The following WASF1 variants were observed in gnomAD, a reference collection of about 807,000 sequenced individuals.
The protein encoded by WASF1 is WASP family member 1.
A neutral mutation model predicts 50.5 loss-of-function variants in WASF1; 7 were observed. That is an observed-to-expected ratio of 0.14 (90% CI 0.08 to 0.26). The LOEUF (loss-of-function observed/expected upper bound fraction) is 0.26, where lower values mean the gene tolerates loss of function less well. Among genes scored for constraint, WASF1 ranks in the 10% least tolerant of loss-of-function variants. The pLI is 1.00. For synonymous variants in WASF1, 205 were observed against 244.0 expected (o/e 0.84, Z 1.49); for missense variants, 470 against 694.7 (o/e 0.68, Z 3.64).
At chr6:110,134,422 C>CTTT (rs201321386) in intron 3 of WASF1, among the ~76,000 whole-genome samples, 1,706 of 144,966 alleles carry the variant, frequency 0.012, 15 homozygotes, top group Middle Eastern at 0.029. Flanking sequence ...TCTATGTGCC[C>CTTT]TTTTTTTTTT....
chr6:110,158,544 T>TA (rs1776122958), intron 3 of WASF1, among the ~76,000 whole-genome samples: 1 of 130,954 alleles, frequency 7.6e-6, no homozygotes, highest in African/African-American at 3.3e-5. Flanking sequence ...AGGATCCTAT[T>TA]CGGCCATCTT....
chr6:110,122,239 C>CAAAAAAAAAAAAAAA (rs55836821), intron 4 of WASF1, among the ~76,000 whole-genome samples: 1 of 114,170 alleles, frequency 8.8e-6, no homozygotes. Context: ...AAATGGAATC[C>CAAAAAAAAAAAAAAA]AAAAAAAAAA....
intron 4 of WASF1, 87 bp downstream of exon 4, chr6:110,127,382 C>G: frequency 5.8e-6 from 7 of 1,205,606 alleles, no homozygotes; most frequent in Non-Finnish European, 7.7e-6. Flanking sequence ...AAATCATACT[C>G]CCAAATTAAT....
intron 2 of WASF1, among the ~76,000 whole-genome samples, chr6:110,177,936 T>C (rs1037555721): frequency 1.0e-4 from 15 of 149,636 alleles, no homozygotes; most frequent in African/African-American, 3.3e-4. Flanking sequence ...CAGTGGTTTC[T>C]TATATTTGCA....
intron 4 of WASF1, 111 bp from the exon 5 acceptor site, chr6:110,113,571 T>C: frequency 1.0e-6 from 1 of 988,240 alleles, no homozygotes; most frequent in Non-Finnish European, 1.4e-6. Context: ...TACTTTGTGA[T>C]CAGAGATAAA....
rs1774595286 is a variant in WASF1, at chr6:110,130,097, T to C, written c.-28-2468A>G. Among the ~76,000 whole-genome samples, 3 of 152,210 alleles carry C rather than the reference T, an allele frequency of 2.0e-5. No individual in the cohort carries two copies. The South Asian group carries it at 6.2e-4, about 31-fold the overall frequency. On this transcript the variant is annotated intron_variant, in intron 3 of 10. Coordinates refer to ENST00000392589, the MANE Select transcript of WASF1 (RefSeq NM_003931.3). ...GGATAAACCTAATTGCAGTTAAGTG[T>C]TACTTATCAACATGCTTTTAACAAT...
At position 110,160,689 on chromosome 6, in the gene WASF1, C is replaced by G. The variant is rs1220880695; in HGVS notation, c.-83G>C. 1 of 151,762 alleles carries G rather than the reference C, an allele frequency of 6.6e-6. No homozygotes were observed. The highest frequency in any genetic ancestry group is 1.9e-4 in the East Asian group (1 of 5,162). 9.4% of individuals were successfully genotyped at this position (151,762 alleles called of 1,614,324 possible). On this transcript the variant is annotated 5_prime_UTR_variant, in exon 3 of 11. Transcript: ENST00000392589. ...AGCTTCCACTGCAACTTTACTCCAA[C>G]AGCTATCATCAACAGTTGTTTTAAC...
chr6:110,113,408 A>G lies in WASF1; in HGVS notation c.186T>C (p.Phe62=), dbSNP rs779999833. Reference sequence around the variant, plus strand: ...CTTGCAATGAGTTGACTCTGAAGGAAAAACTATGTGCTTCATTGAATAATT... The same window carrying G: ...CTTGCAATGAGTTGACTCTGAAGGAGAAACTATGTGCTTCATTGAATAATT... ...FGELFNEAHS[F]SFRVNSLQER... The change falls in exon 5 of 11, where the codon TTT becomes TTC. Residue 62 remains phenylalanine (F), a synonymous_variant. Transcript: ENST00000392589. The G allele has an allele frequency of 6.2e-7, 1 of 1,604,346 alleles. No homozygotes were observed. Among genetic ancestry groups the G allele is most frequent in the South Asian group, 1.1e-5 (1 of 89,256 alleles).
chr6:110,146,575 A>G (rs1217673249), intron 3 of WASF1, among the ~76,000 whole-genome samples: 1 of 151,926 alleles, frequency 6.6e-6, no homozygotes, highest in Non-Finnish European at 1.5e-5. Context: ...ACCATATTTC[A>G]ATTATACAAA....
chr6:110,142,500 C>A (rs1251930772), intron 3 of WASF1, among the ~76,000 whole-genome samples: 1 of 152,076 alleles, frequency 6.6e-6, no homozygotes, highest in Non-Finnish European at 1.5e-5. Flanking sequence ...ATCTCAGTGG[C>A]AGAAAGTAAA....
intron 2 of WASF1, among the ~76,000 whole-genome samples, chr6:110,161,579 G>T (rs551997548): frequency 2.6e-5 from 4 of 151,436 alleles, no homozygotes; most frequent in Non-Finnish European, 5.9e-5. Context: ...CTCATTTATC[G>T]CACTGTATTA....
At chr6:110,108,254 C>T (rs1026922288) in intron 6 of WASF1, among the ~76,000 whole-genome samples, 5 of 149,848 alleles carry the variant, frequency 3.3e-5, no homozygotes, top group East Asian at 2.0e-4. Flanking sequence ...ATTAAAAGGA[C>T]AATAATAACT....
chr6:110,116,331 T>G (rs1285717915), intron 4 of WASF1, among the ~76,000 whole-genome samples: 2 of 152,190 alleles, frequency 1.3e-5, no homozygotes, highest in Non-Finnish European at 1.5e-5. Flanking sequence ...CCTGATCAAA[T>G]ACTATATGCT....
At chr6:110,133,255 C>T (rs1371448330) in intron 3 of WASF1, among the ~76,000 whole-genome samples, 1 of 152,128 alleles carries the variant, frequency 6.6e-6, no homozygotes, top group African/African-American at 2.4e-5. Flanking sequence ...TATATACATG[C>T]TATATACATC....
At chr6:110,175,166 C>T (rs1018416666) in intron 2 of WASF1, among the ~76,000 whole-genome samples, 1 of 152,032 alleles carries the variant, frequency 6.6e-6, no homozygotes, top group Non-Finnish European at 1.5e-5. Context: ...CACTTCATGA[C>T]CTCATTCCAA....
In WASF1 at chr6:110,145,994, AG is replaced by A. The variant is rs1775543236; in HGVS notation, c.-29+14640del. Among the ~76,000 whole-genome samples, 4 of 45,698 alleles carry A rather than the reference AG, an allele frequency of 8.8e-5. No homozygotes were observed. The Admixed American group carries it at 1.4e-3, about 16-fold the overall frequency. The allele number at this position is 45,698 out of a possible 152,430, so 30.0% of individuals were successfully genotyped here. ...CCGGGGACTGTTGTGGGGTGGGGGG[AG>A]GGGGGAGGGATGGCATTAGGAGATA... On this transcript the variant is annotated intron_variant, in intron 3 of 10. Coordinates refer to ENST00000392589, the MANE Select transcript of WASF1 (RefSeq NM_003931.3).
intron 2 of WASF1, among the ~76,000 whole-genome samples, chr6:110,168,103 T>C (rs1776550897): frequency 6.6e-6 from 1 of 152,028 alleles, no homozygotes; most frequent in African/African-American, 2.4e-5. Context: ...TTAATTAGAA[T>C]AGTAAAATAA....
At chr6:110,175,639 T>C (rs887785837) in intron 2 of WASF1, among the ~76,000 whole-genome samples, 5 of 152,164 alleles carry the variant, frequency 3.3e-5, no homozygotes, top group Non-Finnish European at 7.4e-5. Context: ...ATCAAACATC[T>C]TGAGAAGTAA....
chr6:110,138,763 A>G (rs1042543133), intron 3 of WASF1, among the ~76,000 whole-genome samples: 1 of 152,180 alleles, frequency 6.6e-6, no homozygotes, highest in Non-Finnish European at 1.5e-5. Flanking sequence ...TGGGCTCAGA[A>G]GGGAGGAAGA....
Sources: gnomAD v4.1 joint callset for allele counts (sites outside exome capture counted in the v4.1 genomes callset) on GRCh38, gnomAD v4.1.1 for gene constraint, MANE v1.5 for transcripts, NCBI Gene and HGNC (gene_info 2026-07-23, HGNC 2026-07-21) for gene names.